UNC13C: variants seen among roughly 807,000 people sequenced by gnomAD.
UNC13C encodes protein unc-13 homolog C.
UNC13C carries 174 observed loss-of-function variants against 245.4 expected under a neutral mutation model. The ratio of observed to expected loss-of-function variants is 0.71; its 90% CI spans 0.63 to 0.80. The LOEUF (loss-of-function observed/expected upper bound fraction) is 0.80, where lower values mean the gene tolerates loss of function less well. Ranked by LOEUF, UNC13C falls within the 30% of genes least tolerant of loss-of-function variation. The pLI is 0.00. For synonymous variants in UNC13C, 992 were observed against 895.1 expected (o/e 1.11, Z -1.93); for missense variants, 2,829 against 2,602.9 (o/e 1.09, Z -1.89).
At chr15:54,320,702 A>G in intron 13 of UNC13C, 1 of 366,558 alleles carries the variant, frequency 2.7e-6, no homozygotes, top group Non-Finnish European at 5.3e-6. Context: ...TTCTCCTGCT[A>G]AACTTTGTTT....
intron 29 of UNC13C, among the ~76,000 whole-genome samples, chr15:54,559,147 C>T (rs1467703048): frequency 6.6e-6 from 1 of 151,934 alleles, no homozygotes; most frequent in African/African-American, 2.4e-5. Flanking sequence ...TGAATCAGGA[C>T]CCTCTAGAAA....
intron 2 of UNC13C, among the ~76,000 whole-genome samples, chr15:54,142,561 A>G (rs1173047748): frequency 6.6e-6 from 1 of 152,208 alleles, no homozygotes; most frequent in Non-Finnish European, 1.5e-5. Context: ...GAGTCATCTG[A>G]GGTTTACTTT....
At chr15:54,127,568 CTA>C (rs1449684847) in intron 2 of UNC13C, among the ~76,000 whole-genome samples, 1 of 151,200 alleles carries the variant, frequency 6.6e-6, no homozygotes, top group Non-Finnish European at 1.5e-5. Context: ...GAGTGGGGGA[CTA>C]GGGAAGGGAT....
intron 17 of UNC13C, among the ~76,000 whole-genome samples, chr15:54,388,327 T>C (rs2039880419): frequency 6.6e-6 from 1 of 152,182 alleles, no homozygotes; most frequent in South Asian, 2.1e-4. Flanking sequence ...ATTCTGGCTT[T>C]TAGGCTTCAA....
chr15:54,120,245 A>T (rs184635884), intron 2 of UNC13C, among the ~76,000 whole-genome samples: 1 of 152,166 alleles, frequency 6.6e-6, no homozygotes, highest in Non-Finnish European at 1.5e-5. Context: ...GAGTTAATGC[A>T]GCTGGTGACT....
chr15:53,959,534 T>C, the UNC13C span, among the ~76,000 whole-genome samples: 1 of 152,184 alleles, frequency 6.6e-6, no homozygotes, highest in Non-Finnish European at 1.5e-5. Flanking sequence ...TTGGTGGTCA[T>C]CTTAGTTTAA....
chr15:54,501,755 A>G (rs17237634), intron 22 of UNC13C, among the ~76,000 whole-genome samples: 2 of 152,150 alleles, frequency 1.3e-5, no homozygotes. Context: ...CAGAGGCTTC[A>G]TGACAAGGGC....
At chr15:54,338,236 G>A in intron 16 of UNC13C, 125 bp from the exon 17 acceptor site, 1 of 1,126,054 alleles carries the variant, frequency 8.9e-7, no homozygotes, top group Non-Finnish European at 1.2e-6. Context: ...CACATGGTAA[G>A]ATGACACTTA....
intron 1 of UNC13C, among the ~76,000 whole-genome samples, chr15:54,008,902 C>A (rs1408034694): frequency 2.6e-5 from 4 of 152,190 alleles, no homozygotes; most frequent in Admixed American, 1.3e-4. Context: ...AATCTCTTAT[C>A]TCCTCATATA....
At chr15:54,125,892 T>C (rs2141203811) in intron 2 of UNC13C, among the ~76,000 whole-genome samples, 1 of 152,336 alleles carries the variant, frequency 6.6e-6, no homozygotes. Flanking sequence ...TCTTTTTCCA[T>C]TGATTACTTT....
the UNC13C span, among the ~76,000 whole-genome samples, chr15:53,934,447 T>C: frequency 1.3e-5 from 2 of 152,182 alleles, no homozygotes; most frequent in Admixed American, 6.5e-5. Flanking sequence ...AATAGTATGA[T>C]TACATGTTTG....
At chr15:54,446,566 G>A (rs188574563) in intron 19 of UNC13C, among the ~76,000 whole-genome samples, 294 of 152,264 alleles carry the variant, frequency 1.9e-3, no homozygotes, top group Non-Finnish European at 3.3e-3. Context: ...GTTGTGAATG[G>A]GAGTTCACTC....
intron 10 of UNC13C, among the ~76,000 whole-genome samples, chr15:54,292,785 T>G (rs1255373302): frequency 6.6e-6 from 1 of 151,228 alleles, no homozygotes; most frequent in Non-Finnish European, 1.5e-5. Context: ...GTTGTATTGA[T>G]GACAAAAATG....
chr15:54,329,682 A>G (rs920380895), intron 14 of UNC13C, among the ~76,000 whole-genome samples: 13 of 152,074 alleles, frequency 8.5e-5, no homozygotes, highest in Non-Finnish European at 1.5e-4. Context: ...AAGAATCTCT[A>G]TGAAAATTCA....
At chr15:54,581,632 T>C (rs74014232) in intron 30 of UNC13C, among the ~76,000 whole-genome samples, 4,883 of 152,284 alleles carry the variant, frequency 0.032, 295 homozygotes, top group African/African-American at 0.11. Flanking sequence ...CTTAGAGGCT[T>C]CATCTCTAAA....
chr15:54,578,710 C>T (rs1387232511), intron 30 of UNC13C, among the ~76,000 whole-genome samples: 1 of 152,178 alleles, frequency 6.6e-6, no homozygotes, highest in Non-Finnish European at 1.5e-5. Flanking sequence ...AGACAGAGGG[C>T]CAGCACCATG....
intron 4 of UNC13C, among the ~76,000 whole-genome samples, chr15:54,227,656 G>C (rs918627635): frequency 1.3e-5 from 2 of 152,198 alleles, no homozygotes; most frequent in East Asian, 1.9e-4. Context: ...AGTGGCCCCA[G>C]GGAGTGAGAT....
intron 4 of UNC13C, among the ~76,000 whole-genome samples, chr15:54,149,353 G>C (rs2032418502): frequency 6.6e-6 from 1 of 152,120 alleles, no homozygotes; most frequent in Non-Finnish European, 1.5e-5. Flanking sequence ...AGAGAACTTG[G>C]TATAGAAGGA....
intron 17 of UNC13C, among the ~76,000 whole-genome samples, chr15:54,372,106 C>CA (rs770761701): frequency 7.3e-5 from 11 of 151,700 alleles, no homozygotes; most frequent in East Asian, 1.9e-4. Flanking sequence ...GTTCTCAGCA[C>CA]AAAAAAGCAT....
Sources: allele counts gnomAD v4.1 joint callset (sites outside exome capture counted in the v4.1 genomes callset), GRCh38; gene constraint gnomAD v4.1.1; transcripts MANE v1.5; gene names NCBI Gene and HGNC (gene_info 2026-07-23, HGNC 2026-07-21).